Variants in KANK1 observed in about 807,000 individuals in gnomAD.
KANK1 encodes KN motif and ankyrin repeat domain-containing protein 1.
Under a neutral mutation model 106.2 loss-of-function variants are expected in KANK1, and 109 were observed. That is an observed-to-expected ratio of 1.03 (90% CI 0.88 to 1.20). KANK1 has a LOEUF of 1.20. KANK1 is among the 50% of genes most tolerant of loss of function. The probability of loss-of-function intolerance (pLI) is 0.00; values close to 1 mark genes in which losing one functional copy is unlikely to be tolerated. For missense variants in KANK1, 2,399 were observed against 1,710.7 expected, an observed-to-expected ratio of 1.40 and a Z score of -7.10; for synonymous variants, 873 against 652.2, an observed-to-expected ratio of 1.34 and a Z score of -5.16.
intron 3 of KANK1, among the ~76,000 whole-genome samples, chr9:476,924 G>C (rs2058114631): frequency 6.6e-6 from 1 of 152,206 alleles, no homozygotes; most frequent in Admixed American, 6.5e-5. Flanking sequence ...TCTAAACTAT[G>C]TGTCTCCCCG....
intron 7 of KANK1, 96 bp downstream of exon 7, chr9:734,931 G>A: frequency 1.2e-6 from 1 of 855,146 alleles, no homozygotes; most frequent in Non-Finnish European, 2.0e-6. Context: ...GCTGTTGCTT[G>A]CATGCTTTTC....
chr9:733,028 A>T (rs1832743683), intron 6 of KANK1: 1 of 161,786 alleles, frequency 6.2e-6, no homozygotes, highest in African/African-American at 2.4e-5. Context: ...CATTGTGTGG[A>T]TGAGGCCTCA....
chr9:500,696 A>C (rs543757634), upstream of KANK1, among the ~76,000 whole-genome samples: 47 of 152,368 alleles, frequency 3.1e-4, no homozygotes, highest in African/African-American at 1.1e-3. Flanking sequence ...ATTATATTTA[A>C]AGGAGGGACC....
At chr9:625,896 C>A (rs117701760) in intron 1 of KANK1, among the ~76,000 whole-genome samples, 2 of 152,110 alleles carry the variant, frequency 1.3e-5, no homozygotes, top group Admixed American at 1.3e-4. Context: ...CCACTCCCCA[C>A]GGTCCCCAGA....
intron 6 of KANK1, 103 bp from the exon 7 acceptor site, chr9:734,645 G>T: frequency 2.7e-6 from 2 of 742,272 alleles, no homozygotes; most frequent in South Asian, 3.4e-5. Flanking sequence ...CAGCCTGGGC[G>T]ACAGAGCATG....
chr9:558,928 A>G (rs775308623), intron 1 of KANK1: 10 of 152,044 alleles, frequency 6.6e-5, no homozygotes, highest in Non-Finnish European at 1.5e-4. Context: ...GTTCCTTAAT[A>G]AAAAAAGAAA....
chr9:636,100 A>G (rs553126097), intron 1 of KANK1, among the ~76,000 whole-genome samples: 2 of 152,264 alleles, frequency 1.3e-5, no homozygotes, highest in African/African-American at 4.8e-5. Context: ...GAATTATTGG[A>G]GGAGCTTTCA....
chr9:734,896 T>A, intron 7 of KANK1, 61 bp downstream of exon 7: 2 of 1,239,510 alleles, frequency 1.6e-6, no homozygotes, highest in Non-Finnish European at 2.4e-6. Context: ...GGGTTCATTG[T>A]CAAGGCCAGC....
intron 3 of KANK1, among the ~76,000 whole-genome samples, chr9:476,310 C>G (rs2058101291): frequency 6.6e-6 from 1 of 152,100 alleles, no homozygotes; most frequent in African/African-American, 2.4e-5. Context: ...CACCTGAGGT[C>G]AGCAGTTCAA....
intron 7 of KANK1, chr9:735,930 G>T (rs1833679693): frequency 4.1e-6 from 1 of 242,574 alleles, no homozygotes; most frequent in Non-Finnish European, 9.0e-6. Flanking sequence ...GGGAGGTGGT[G>T]GTTGCAGTGA....
In KANK1 at chr9:676,910, T is replaced by C; in HGVS notation, c.-63T>C. 2.2e-6 allele frequency: 3 copies of C among 1,351,612 alleles called. No homozygotes were observed. Among genetic ancestry groups the C allele is most frequent in the Non-Finnish European group, 3.2e-6 (3 of 949,742 alleles). The allele number at this position is 1,351,612 out of a possible 1,614,324, so 83.7% of individuals were successfully genotyped here. ...TTCAGGTTGAATGCCTTTGAGAACTTGATGCATAAAATTTGCATGACTCCT... is the reference window on the plus strand; with the variant it reads ...TTCAGGTTGAATGCCTTTGAGAACTCGATGCATAAAATTTGCATGACTCCT... On this transcript the variant is annotated 5_prime_UTR_variant, in exon 2 of 12. An upstream open reading frame in the 5' UTR loses its in-frame stop. Coordinates refer to ENST00000382297, the MANE Select transcript of KANK1 (RefSeq NM_015158.5).
chr9:478,030 A>T (rs990323509), intron 3 of KANK1: 3 of 169,616 alleles, frequency 1.8e-5, no homozygotes, highest in African/African-American at 7.2e-5. Context: ...TCAAAGGATT[A>T]CAATGAAACT....
At chr9:531,736 A>G (rs1167928427) in intron 1 of KANK1, among the ~76,000 whole-genome samples, 1 of 152,174 alleles carries the variant, frequency 6.6e-6, no homozygotes, top group East Asian at 1.9e-4. Flanking sequence ...ACTGTAGTGA[A>G]CCAGAGACCA....
chr9:694,404 C>T (rs1307476830), intron 2 of KANK1, among the ~76,000 whole-genome samples: 1 of 152,180 alleles, frequency 6.6e-6, no homozygotes, highest in East Asian at 1.9e-4. Context: ...ACAGTCCAAG[C>T]TCATTCTCTT....
chr9:734,472 C>G (rs1289925412), intron 6 of KANK1: 1 of 296,322 alleles, frequency 3.4e-6, no homozygotes, highest in Non-Finnish European at 6.6e-6. Flanking sequence ...TCAAAACCAG[C>G]CTGGCCAACA....
intron 7 of KANK1, among the ~76,000 whole-genome samples, chr9:738,001 G>A (rs958193141): frequency 6.6e-6 from 1 of 152,204 alleles, no homozygotes; most frequent in Non-Finnish European, 1.5e-5. Context: ...CTTTTAGGTA[G>A]CAGAGCCTGC....
rs1479703168 is a variant in KANK1 at position 645,149 on chromosome 9, ATTAGGC to A, written c.-83-31735_-83-31730del. Among the ~76,000 whole-genome samples, 2 of 142,032 alleles carry A rather than the reference ATTAGGC, an allele frequency of 1.4e-5. 1 individual carries two copies. Among genetic ancestry groups the A allele is most frequent in the African/African-American group, 5.7e-5 (2 of 35,126 alleles). 93.2% of individuals were successfully genotyped at this position (142,032 alleles called of 152,430 possible). ...TACAAAAAAAAAAAAAAAAAAAAGAATTAGGCTTAGGGAGTGCATGGTGGCTCACGT... is the reference window on the plus strand; with the variant it reads ...TACAAAAAAAAAAAAAAAAAAAAGAATTAGGGAGTGCATGGTGGCTCACGT... On this transcript the variant is annotated intron_variant, in intron 1 of 11. Transcript: ENST00000382297.
intron 2 of KANK1, chr9:707,203 TGCGGGGCAGCGCGGGCTG>T: frequency 1.0e-6 from 1 of 986,214 alleles, no homozygotes; most frequent in Non-Finnish European, 1.2e-6. Context: ...GAGCGAGCTG[TGCGGGGCAGCGCGGGCTG>T]GCGGGGAGCG....
At chr9:542,196 C>T (rs1013197252) in intron 1 of KANK1, among the ~76,000 whole-genome samples, 4 of 151,694 alleles carry the variant, frequency 2.6e-5, no homozygotes, top group Non-Finnish European at 4.4e-5. Flanking sequence ...CAGGGAAATG[C>T]AAATTAAAAC....
Sources: gnomAD v4.1 joint callset for allele counts (sites outside exome capture counted in the v4.1 genomes callset) on GRCh38, gnomAD v4.1.1 for gene constraint, MANE v1.5 for transcripts, NCBI Gene and HGNC (gene_info 2026-07-23, HGNC 2026-07-21) for gene names.